The following ABR variants were observed in gnomAD, a reference collection of about 807,000 sequenced individuals.
ABR encodes ABR activator of RhoGEF and GTPase, also known as active breakpoint cluster region-related protein.
A neutral mutation model predicts 107.2 loss-of-function variants in ABR; 35 were observed. The ratio of observed to expected loss-of-function variants is 0.33; its 90% confidence interval spans 0.25 to 0.43. The LOEUF (loss-of-function observed/expected upper bound fraction) is 0.43, where lower values mean the gene tolerates loss of function less well. Among genes scored for constraint, ABR ranks in the 20% least tolerant of loss-of-function variants. ABR has a pLI of 1.00. For synonymous variants in ABR, 498 were observed against 462.0 expected, an observed-to-expected ratio of 1.08 and a Z score of -1.00; for missense variants, 815 against 1,115.2, an observed-to-expected ratio of 0.73 and a Z score of 3.83.
chr17:1,050,325 G>T lies in ABR; in HGVS notation c.1660-144C>A. ...GTCAGATTTTCTGGAGCTCCCAGAG[G>T]CCTCCCATCACCCCTGGAGTCTGGG... On this transcript the variant is annotated intron_variant, in intron 15 of 22. Coordinates refer to ENST00000302538, the MANE Select transcript of ABR (RefSeq NM_021962.5). The surrounding 1 kb of genome is among the most constrained non-coding windows in gnomAD (Gnocchi z 4.6). 1 of 1,161,020 alleles carries T rather than the reference G, an allele frequency of 8.6e-7. No individual in the cohort carries two copies. The highest frequency in any genetic ancestry group is 1.2e-6 in the Non-Finnish European group (1 of 832,486). The allele number at this position is 1,161,020 out of a possible 1,614,324, so 71.9% of individuals were successfully genotyped here.
At position 1,150,090 on chromosome 17, in the gene ABR, C is replaced by T. The variant is rs1290396261; in HGVS notation, c.62-24723G>A. ...TTGTTATGATTTCTCCCCATAGTCC[C>T]GGCCTGGGAGAGACACCGAGAGGAA... On this transcript the variant is annotated intron_variant, in intron 1 of 22. Coordinates refer to ENST00000302538, the MANE Select transcript of ABR (RefSeq NM_021962.5). This position sits in a 1 kb window ranked among gnomAD's most constrained non-coding sequence, Gnocchi z 4.8. Among the ~76,000 whole-genome samples the T allele has an allele frequency of 2.0e-5, 3 of 151,914 alleles. No individual in the cohort carries two copies. The highest frequency in any genetic ancestry group is 4.8e-5 in the African/African-American group (2 of 41,354).
rs962811937 is a variant in ABR at position 1,084,514 on chromosome 17, A to G, written c.532-887T>C. 6.6e-6 allele frequency among the ~76,000 whole-genome samples: 1 copy of G among 152,190 alleles called. No individual in the cohort carries two copies. The highest frequency in any genetic ancestry group is 6.5e-5 in the Admixed American group (1 of 15,272). On this transcript the variant is annotated intron_variant, in intron 4 of 22. Transcript: ENST00000302538. This position sits in a 1 kb window ranked among gnomAD's most constrained non-coding sequence, Gnocchi z 4.2. ...CTCACTACACGTTTGCCTGTCACTC[A>G]CACAGTCACAACCTGAGTCACAACC...
At chr17:1,039,669 G>A (rs2029968081) in intron 16 of ABR, 1 of 152,692 alleles carries the variant, frequency 6.5e-6, no homozygotes, top group East Asian at 1.9e-4. Flanking sequence ...GAGTCAGCAG[G>A]AAGTAGAACC....
intron 1 of ABR, among the ~76,000 whole-genome samples, chr17:1,164,296 G>T (rs1598024323): frequency 1.3e-5 from 2 of 149,028 alleles, no homozygotes; most frequent in African/African-American, 5.0e-5. Context: ...GAATCCAGAC[G>T]CAGGGACCCC....
Position 1,091,655 on chromosome 17 carries a change from GC to G in ABR, c.531+9del. On this transcript the variant is annotated intron_variant, in intron 4 of 22. Coordinates refer to ENST00000302538, the MANE Select transcript of ABR (RefSeq NM_021962.5). The stretch of plus-strand genomic sequence containing the variant: ...CCTGCGTGAGGACCCTCCATCCCTG[GC>G]AGACTCACCAGCTTCTGGAAGAGGT... 3.1e-6 allele frequency: 5 copies of G among 1,610,474 alleles called. No individual in the cohort carries two copies. Among genetic ancestry groups the G allele is most frequent in the Non-Finnish European group, 4.2e-6 (5 of 1,177,876 alleles).
intron 4 of ABR, among the ~76,000 whole-genome samples, chr17:1,089,723 G>T (rs1303181166): frequency 6.6e-6 from 1 of 152,204 alleles, no homozygotes; most frequent in Non-Finnish European, 1.5e-5. Context: ...ACTTCGGGAG[G>T]CCGAGGCGGG....
At position 1,027,473 on chromosome 17, in the gene ABR, C is replaced by T. The variant is rs1043859206; in HGVS notation, c.1792-14309G>A. On this transcript the variant is annotated intron_variant, in intron 16 of 22. Transcript: ENST00000302538. The surrounding 1 kb of genome is among the most constrained non-coding windows in gnomAD (Gnocchi z 4.7). The stretch of plus-strand genomic sequence containing the variant: ...ATTCTCAGAGTCCAGGGTTCCCGCT[C>T]TGCGGACTCAAGCAAGCCTCTTGGG... Among the ~76,000 whole-genome samples, 2 of 152,148 alleles carry T rather than the reference C, an allele frequency of 1.3e-5. No homozygotes were observed. Among genetic ancestry groups the T allele is most frequent in the African/African-American group, 4.8e-5 (2 of 41,450 alleles).
At chr17:1,122,601 T>G (rs2039401334) in intron 2 of ABR, among the ~76,000 whole-genome samples, 1 of 152,202 alleles carries the variant, frequency 6.6e-6, no homozygotes, top group Non-Finnish European at 1.5e-5. Flanking sequence ...GAGCTGGAAT[T>G]TACATCCCTG....
chr17:1,055,895 C>T (rs1303113322), intron 14 of ABR, 140 bp downstream of exon 14: 3 of 749,242 alleles, frequency 4.0e-6, no homozygotes, highest in African/African-American at 3.5e-5. Flanking sequence ...CAGGGGTGAC[C>T]TCCCTGCCAA....
At chr17:1,203,962 G>A (rs545833867) in intron 1 of ABR, among the ~76,000 whole-genome samples, 29 of 152,314 alleles carry the variant, frequency 1.9e-4, no homozygotes. Flanking sequence ...CCGGACCTCG[G>A]TGCCGGCTTC....
At chr17:1,102,408 G>A (rs2037959874) in intron 2 of ABR, among the ~76,000 whole-genome samples, 1 of 152,158 alleles carries the variant, frequency 6.6e-6, no homozygotes, top group African/African-American at 2.4e-5. Flanking sequence ...AGAGCCTTTG[G>A]AAGCTGGAAA....
chr17:1,170,575 T>G (rs1315733995), intron 1 of ABR, among the ~76,000 whole-genome samples: 2 of 152,092 alleles, frequency 1.3e-5, no homozygotes, highest in African/African-American at 4.8e-5. Flanking sequence ...TAGCTGGGAT[T>G]CTAGGTGCCT....
At chr17:1,087,562 A>C (rs3915837) in intron 4 of ABR, among the ~76,000 whole-genome samples, 34,744 of 150,142 alleles carry the variant, frequency 0.23, 4,808 homozygotes, top group African/African-American at 0.38. Context: ...CCTGAGTTTT[A>C]AAGGGGGTGG....
intron 1 of ABR, among the ~76,000 whole-genome samples, chr17:1,171,510 G>T (rs888101827): frequency 1.3e-5 from 2 of 152,164 alleles, no homozygotes; most frequent in Non-Finnish European, 2.9e-5. Context: ...TTTACCTGAG[G>T]CCTCCCAGCC....
chr17:1,220,062 C>T (rs558754242), intron 1 of ABR, among the ~76,000 whole-genome samples: 3 of 147,962 alleles, frequency 2.0e-5, no homozygotes, highest in Admixed American at 6.8e-5. Flanking sequence ...GAGGCGGAGG[C>T]GGGCGGATCA....
At chr17:1,014,301 C>T (rs566342594) in intron 16 of ABR, among the ~76,000 whole-genome samples, 8 of 135,538 alleles carry the variant, frequency 5.9e-5, no homozygotes, top group South Asian at 2.6e-4. Flanking sequence ...ATTAGCCGGG[C>T]GTGGTGGCGG....
At chr17:1,170,380 G>A (rs149901642) in intron 1 of ABR, among the ~76,000 whole-genome samples, 150 of 152,288 alleles carry the variant, frequency 9.8e-4, no homozygotes, top group Middle Eastern at 3.4e-3. Context: ...CCAACCGAGC[G>A]CACAGTCCCT....
chr17:1,036,132 C>T (rs1050906652), intron 16 of ABR, among the ~76,000 whole-genome samples: 7 of 152,102 alleles, frequency 4.6e-5, no homozygotes, highest in Non-Finnish European at 1.0e-4. Context: ...CCCACCAGAA[C>T]GACGCTCCTC....
At chr17:1,162,449 C>T (rs2041338880) in intron 1 of ABR, among the ~76,000 whole-genome samples, 3 of 152,224 alleles carry the variant, frequency 2.0e-5, no homozygotes, top group Non-Finnish European at 4.4e-5. Flanking sequence ...AAGACAAGGG[C>T]ATGAGGCTGG....
Sources: allele counts gnomAD v4.1 joint callset (sites outside exome capture counted in the v4.1 genomes callset), GRCh38; gene constraint gnomAD v4.1.1; non-coding constraint Gnocchi (gnomAD v3.1); transcripts MANE v1.5; gene names NCBI Gene and HGNC (gene_info 2026-07-23, HGNC 2026-07-21).